The following BSN variants were observed in gnomAD, a reference collection of about 807,000 sequenced individuals.
BSN encodes protein bassoon.
In BSN, 57 loss-of-function variants were observed where a neutral mutation model predicts 264.8. That is an observed-to-expected ratio of 0.22 (90% CI 0.17 to 0.27). BSN has a LOEUF of 0.27. Ranked by LOEUF, BSN falls within the 10% of genes least tolerant of loss-of-function variation. The probability of loss-of-function intolerance (pLI) is 1.00; values close to 1 mark genes in which losing one functional copy is unlikely to be tolerated. For synonymous variants in BSN, 2,059 were observed against 2,137.3 expected (o/e 0.96, Z 1.01); for missense variants, 4,615 against 5,232.5 (o/e 0.88, Z 3.64).
Position 49,581,855 on chromosome 3 carries a change from A to C in BSN, c.224+27029A>C, listed in dbSNP as rs187546144. Among the ~76,000 whole-genome samples the C allele has an allele frequency of 7.0e-3, 1,067 of 152,216 alleles. 15 individuals are homozygous for C. Among genetic ancestry groups the C allele is most frequent in the South Asian group, 0.042 (204 of 4,818 alleles). On this transcript the variant is annotated intron_variant, in intron 1 of 11. Coordinates refer to ENST00000296452, the MANE Select transcript of BSN (RefSeq NM_003458.4). The stretch of plus-strand genomic sequence containing the variant: ...AACCCAAAAAACAAAACAAAAAAAA[A>C]CAAACTTTGTGTATATAGGCATCTA...
chr3:49,656,739 G>C lies in BSN; in HGVS notation c.7183G>C (p.Glu2395Gln), dbSNP rs764778358. The C allele has an allele frequency of 3.2e-6, 5 of 1,577,382 alleles. No homozygotes were observed. Among genetic ancestry groups the C allele is most frequent in the East Asian group, 4.6e-5 (2 of 43,416 alleles). Residue 2395 changes from glutamate (E) to glutamine (Q), a missense_variant, in exon 5 of 12, where the codon GAG (glutamate) becomes CAG (glutamine). Physicochemically the swap from Glu to Gln is conservative, Grantham distance 29 (BLOSUM62 2). This residue lies in a region of BSN where 3,415 missense variants were observed against 3,866.4 expected (regional missense o/e 0.88). Transcript: ENST00000296452. ...ACAACTTCGGCTGCAAGAGGAGCTA[G>C]AGCGGGAACGTGTGGAGCTGCAGAG... is the stretch of plus-strand genomic sequence containing the variant. Reference protein sequence around the residue: ...LRQLRLQEELERERVELQRHR... With the variant: ...LRQLRLQEELQRERVELQRHR...
intron 1 of BSN, among the ~76,000 whole-genome samples, chr3:49,565,388 T>G (rs2051745004): frequency 7.0e-6 from 1 of 142,840 alleles, no homozygotes. Context: ...TGGTGCGATC[T>G]CAGCTCACTA....
At chr3:49,562,990 C>G (rs1476254995) in intron 1 of BSN, among the ~76,000 whole-genome samples, 2 of 152,192 alleles carry the variant, frequency 1.3e-5, no homozygotes, top group Non-Finnish European at 2.9e-5. Flanking sequence ...CCAGCTCTGA[C>G]AGCTGATTTC....
Position 49,662,939 on chromosome 3 carries a change from G to T in BSN, c.10781G>T (p.Arg3594Leu). 1 of 1,613,806 alleles carries T rather than the reference G, an allele frequency of 6.2e-7. No individual in the cohort carries two copies. The highest frequency in any genetic ancestry group is 8.5e-7 in the Non-Finnish European group (1 of 1,179,862). The stretch of plus-strand genomic sequence containing the variant: ...AAGCCCCGGGATGCCCGCTCTGACC[G>T]GTTCAGGCACCACGGGGGCCATGCA... The part of the protein sequence containing the change: ...FDKPRDARSD[R>L]FRHHGGHAVS... Residue 3594 changes from arginine (R) to leucine (L), a missense_variant, in exon 7 of 12, where the codon CGG becomes CTG. By Grantham distance (102) the Arg-to-Leu change is moderately radical (BLOSUM62 -2). Coordinates refer to ENST00000296452, the MANE Select transcript of BSN (RefSeq NM_003458.4).
At chr3:49,595,946 A>G (rs1199046834) in intron 1 of BSN, among the ~76,000 whole-genome samples, 1 of 152,032 alleles carries the variant, frequency 6.6e-6, no homozygotes, top group African/African-American at 2.4e-5. Context: ...ATGTAGTTTT[A>G]TTTCTTCCTT....
intron 1 of BSN, among the ~76,000 whole-genome samples, chr3:49,607,486 C>T (rs1408529343): frequency 1.3e-5 from 2 of 152,174 alleles, no homozygotes; most frequent in Admixed American, 1.3e-4. Context: ...TGGCTAGCAA[C>T]GTGCCATGTA....
At chr3:49,555,466 C>G (rs2051660160) in intron 1 of BSN, among the ~76,000 whole-genome samples, 1 of 152,096 alleles carries the variant, frequency 6.6e-6, no homozygotes. Flanking sequence ...TGGGGTGAAG[C>G]AAAAATGCTA....
At chr3:49,637,022 C>T (rs2052424929) in intron 2 of BSN, among the ~76,000 whole-genome samples, 2 of 152,228 alleles carry the variant, frequency 1.3e-5, no homozygotes, top group South Asian at 4.1e-4. Flanking sequence ...GTGGGGCCCT[C>T]CCAGGAACCT....
chr3:49,656,412 G>A lies in BSN; in HGVS notation c.6856G>A (p.Ala2286Thr). ...AEGPVYLGKP[A>T]AAKAPGAGGP... ...AGGGCCTGTCTATCTGGGGAAACCT[G>A]CTGCTGCCAAGGCCCCTGGGGCTGG... The change falls in exon 5 of 12, where the codon GCT (alanine) becomes ACT (threonine). Residue 2286 changes from alanine (A) to threonine (T), a missense_variant. Ala to Thr is a moderately conservative substitution (Grantham distance 58). Coordinates refer to ENST00000296452, the MANE Select transcript of BSN (RefSeq NM_003458.4). The A allele has an allele frequency of 6.3e-7, 1 of 1,590,276 alleles. No individual in the cohort carries two copies. The highest frequency in any genetic ancestry group is 8.6e-7 in the Non-Finnish European group (1 of 1,167,626).
In BSN at chr3:49,662,366, C is replaced by G. The variant is rs758951800; in HGVS notation, c.10521C>G (p.Pro3507=). ...GCCAGGCCTCTGAAGAGGAGAGCCC[C>G]GTCAGTCCTTTGGGGAGGCCCCGCC... ...MRSQASEEES[P]VSPLGRPRPA... is the part of the protein sequence containing the mutation. Residue 3507 remains proline (P), a synonymous_variant, in exon 6 of 12, where the codon CCC becomes CCG. Transcript: ENST00000296452. 4 of 1,613,552 alleles carry G rather than the reference C, an allele frequency of 2.5e-6. No individual in the cohort carries two copies. Among genetic ancestry groups the G allele is most frequent in the Middle Eastern group, 1.7e-4 (1 of 6,048 alleles).
At chr3:49,594,811 A>C (rs778373282) in intron 1 of BSN, among the ~76,000 whole-genome samples, 7 of 152,156 alleles carry the variant, frequency 4.6e-5, no homozygotes, top group Admixed American at 1.3e-4. Flanking sequence ...CCATGAACAT[A>C]GTATATCTTC....
At position 49,658,122 on chromosome 3, in the gene BSN, C is replaced by T. The variant is rs763679636; in HGVS notation, c.8566C>T (p.Leu2856Phe). 7.4e-6 allele frequency: 12 copies of T among 1,610,874 alleles called. No homozygotes were observed. In the South Asian group the frequency reaches 1.2e-4, roughly 16 times the overall value. ...LQRSLSDPKPLSPTAEESAKE... is the reference protein window; with the variant it reads ...LQRSLSDPKPFSPTAEESAKE... ...GCGGTCCCTGTCTGACCCTAAGCCC[C>T]TCAGCCCCACCGCCGAAGAGTCTGC... The change falls in exon 5 of 12, where the codon CTC (leucine) becomes TTC (phenylalanine). Residue 2856 changes from leucine (L) to phenylalanine (F), a missense_variant. By Grantham distance (22) the Leu-to-Phe change is conservative. Coordinates refer to ENST00000296452, the MANE Select transcript of BSN (RefSeq NM_003458.4).
In BSN at chr3:49,657,492, G is replaced by A. The variant is rs774996926; in HGVS notation, c.7936G>A (p.Asp2646Asn). ...AGACTCAGGCTCTGACAGCAAGCAC[G>A]ATGCCACTGCCTCATCATCCAGTGC... ...HSDSGSDSKH[D>N]ATASSSSAAA... The change falls in exon 5 of 12, where the codon GAT becomes AAT. Residue 2646 changes from aspartate (D) to asparagine (N), a missense_variant. This residue lies in a region of BSN where 3,415 missense variants were observed against 3,866.4 expected (regional missense o/e 0.88). Transcript: ENST00000296452. 1.5e-5 allele frequency: 24 copies of A among 1,613,078 alleles called. No homozygotes were observed. The Admixed American group carries it at 2.7e-4, about 18-fold the overall frequency.
intron 1 of BSN, among the ~76,000 whole-genome samples, chr3:49,624,755 A>C (rs1404586144): frequency 6.6e-6 from 1 of 152,118 alleles, no homozygotes; most frequent in Non-Finnish European, 1.5e-5. Context: ...GTGAGAGGAC[A>C]TGTTTTAATC....
At chr3:49,640,249 G>A (rs929635148) in intron 2 of BSN, among the ~76,000 whole-genome samples, 3 of 152,208 alleles carry the variant, frequency 2.0e-5, no homozygotes, top group African/African-American at 7.2e-5. Flanking sequence ...ACCTTGTTGA[G>A]CTATGACCTG....
intron 1 of BSN, among the ~76,000 whole-genome samples, chr3:49,571,857 G>C (rs961555341): frequency 2.6e-5 from 4 of 152,176 alleles, no homozygotes; most frequent in African/African-American, 9.7e-5. Context: ...ATAAGGGATA[G>C]AGGTAGCAAC....
intron 5 of BSN, 66 bp downstream of exon 5, chr3:49,658,262 G>T: frequency 2.0e-6 from 3 of 1,471,224 alleles, no homozygotes; most frequent in Non-Finnish European, 2.7e-6. Flanking sequence ...GGCCCCCACA[G>T]GGAGGGGCTT....
chr3:49,651,584 C>T lies in BSN; in HGVS notation c.2028C>T (p.Ser676=). ...GKPYSQDASR[S]PQSLSDTGYS... ...CTTACTCTCAGGATGCGTCTCGGAG[C>T]CCACAGAGCCTCAGTGACACAGGCT... The change falls in exon 5 of 12, where the codon AGC becomes AGT. Residue 676 remains serine (S), a synonymous_variant. Coordinates refer to ENST00000296452, the MANE Select transcript of BSN (RefSeq NM_003458.4). The surrounding 1 kb of genome is among the most constrained non-coding windows in gnomAD (Gnocchi z 5.4). 1.9e-6 allele frequency: 3 copies of T among 1,605,890 alleles called. No homozygotes were observed. The highest frequency in any genetic ancestry group is 2.6e-6 in the Non-Finnish European group (3 of 1,175,360).
intron 1 of BSN, among the ~76,000 whole-genome samples, chr3:49,595,119 G>C (rs1484508867): frequency 2.0e-5 from 3 of 151,778 alleles, no homozygotes; most frequent in Non-Finnish European, 2.9e-5. Flanking sequence ...TCGATCTCCT[G>C]ACCTTGTGAT....
Sources: allele counts gnomAD v4.1 joint callset (sites outside exome capture counted in the v4.1 genomes callset), GRCh38; gene constraint gnomAD v4.1.1; regional missense constraint gnomAD v4.1.1; non-coding constraint Gnocchi (gnomAD v3.1); transcripts MANE v1.5; gene names NCBI Gene and HGNC (gene_info 2026-07-23, HGNC 2026-07-21).